The following GRIK2 variants were observed in gnomAD, a reference collection of about 807,000 sequenced individuals.
GRIK2 encodes glutamate ionotropic receptor kainate type subunit 2.
In GRIK2, 32 loss-of-function variants were observed where a neutral mutation model predicts 100.3. The ratio of observed to expected loss-of-function variants is 0.32; its 90% CI spans 0.24 to 0.43. GRIK2 has a LOEUF of 0.43. Ranked by LOEUF, GRIK2 falls within the 20% of genes least tolerant of loss-of-function variation. GRIK2 has a pLI of 1.00. For missense variants in GRIK2, 843 were observed against 1,114.9 expected, an observed-to-expected ratio of 0.76 and a Z score of 3.47; for synonymous variants, 417 against 389.4, an observed-to-expected ratio of 1.07 and a Z score of -0.83.
chr6:101,451,921 G>A (rs192728062), intron 2 of GRIK2, among the ~76,000 whole-genome samples: 149 of 151,674 alleles, frequency 9.8e-4, no homozygotes, highest in African/African-American at 3.3e-3. Context: ...ACACCTATTC[G>A]AGGGTAAAAC....
At chr6:101,490,828 T>C (rs1414270027) in intron 2 of GRIK2, among the ~76,000 whole-genome samples, 1 of 146,384 alleles carries the variant, frequency 6.8e-6, no homozygotes, top group Admixed American at 6.8e-5. Context: ...CAGATTAATA[T>C]AGGTATTGTA....
chr6:101,519,347 T>TGTGTGTG (rs1774755405), intron 2 of GRIK2, among the ~76,000 whole-genome samples: 11 of 111,542 alleles, frequency 9.9e-5, no homozygotes, highest in African/African-American at 2.8e-4. Flanking sequence ...GTGTGTGTGT[T>TGTGTGTG]TGCGCTGGTG....
At chr6:101,756,060 C>T (rs1026092956) in intron 7 of GRIK2, among the ~76,000 whole-genome samples, 1 of 151,962 alleles carries the variant, frequency 6.6e-6, no homozygotes, top group Admixed American at 6.6e-5. Context: ...AAACTCCCTC[C>T]CCCCCAGGTT....
chr6:101,669,762 C>T (rs961122964), intron 4 of GRIK2, among the ~76,000 whole-genome samples: 7 of 152,064 alleles, frequency 4.6e-5, no homozygotes, highest in African/African-American at 1.7e-4. Context: ...GGTGGATAAA[C>T]ATCTATTTTT....
At chr6:101,454,674 C>T (rs1446316596) in intron 2 of GRIK2, among the ~76,000 whole-genome samples, 1 of 152,066 alleles carries the variant, frequency 6.6e-6, no homozygotes, top group Non-Finnish European at 1.5e-5. Flanking sequence ...TTACTGAATT[C>T]TGCTCTATAT....
At chr6:101,633,124 G>A (rs1780842029) in intron 4 of GRIK2, among the ~76,000 whole-genome samples, 1 of 152,034 alleles carries the variant, frequency 6.6e-6, no homozygotes, top group Non-Finnish European at 1.5e-5. Flanking sequence ...ATCACAGAGA[G>A]CTTTGTACTA....
chr6:101,553,660 T>G (rs1165508853), intron 2 of GRIK2, among the ~76,000 whole-genome samples: 2 of 152,254 alleles, frequency 1.3e-5, no homozygotes, highest in East Asian at 3.9e-4. Flanking sequence ...AAGGCCAAGG[T>G]CAAAGTTTCC....
intron 15 of GRIK2, among the ~76,000 whole-genome samples, chr6:102,043,265 C>T (rs1425560459): frequency 7.4e-6 from 1 of 135,412 alleles, no homozygotes; most frequent in East Asian, 2.2e-4. Context: ...TATCAATCAC[C>T]TCAGATACTT....
At chr6:101,402,002 GGCCACCCCAGCCCCCCTTCCCC>G (rs1421192553) in intron 2 of GRIK2, among the ~76,000 whole-genome samples, 4 of 151,992 alleles carry the variant, frequency 2.6e-5, no homozygotes, top group Admixed American at 2.6e-4. Context: ...CCGCCCAGGC[GGCCACCCCAGCCCCCCTTCCCC>G]GCTAGTTAAG....
intron 12 of GRIK2, among the ~76,000 whole-genome samples, chr6:101,895,228 T>C (rs1240827169): frequency 2.0e-5 from 3 of 151,794 alleles, no homozygotes; most frequent in African/African-American, 7.2e-5. Context: ...AACATTTTTC[T>C]AAGTTAAAAG....
At chr6:101,976,567 T>C (rs1793393860) in intron 14 of GRIK2, among the ~76,000 whole-genome samples, 1 of 151,708 alleles carries the variant, frequency 6.6e-6, no homozygotes, top group Admixed American at 6.6e-5. Flanking sequence ...CACACTTGCA[T>C]TCCCAGCTAT....
At chr6:101,849,079 G>T (rs1409045259) in intron 10 of GRIK2, among the ~76,000 whole-genome samples, 1 of 148,742 alleles carries the variant, frequency 6.7e-6, no homozygotes, top group Non-Finnish European at 1.5e-5. Flanking sequence ...GGGTTGAAAA[G>T]AATGTTAAAA....
chr6:101,926,208 T>G (rs550322541), intron 13 of GRIK2, among the ~76,000 whole-genome samples: 1 of 149,586 alleles, frequency 6.7e-6, no homozygotes, highest in East Asian at 1.9e-4. Context: ...TTTTTTTTTT[T>G]TTTTTTTTTT....
chr6:101,566,727 A>G (rs917544537), intron 2 of GRIK2, among the ~76,000 whole-genome samples: 6 of 150,888 alleles, frequency 4.0e-5, no homozygotes, highest in Admixed American at 2.6e-4. Context: ...ATTAAGTAAA[A>G]CAAGAAAATT....
chr6:101,951,746 C>T (rs543622524), intron 14 of GRIK2, among the ~76,000 whole-genome samples: 1 of 152,194 alleles, frequency 6.6e-6, no homozygotes, highest in African/African-American at 2.4e-5. Context: ...TTCCCCTGCA[C>T]ATACTTTCTT....
chr6:101,835,390 TTCA>T (rs533307451), intron 10 of GRIK2, among the ~76,000 whole-genome samples: 187 of 152,014 alleles, frequency 1.2e-3, no homozygotes, highest in African/African-American at 3.5e-3. Context: ...ATGTCATTCC[TTCA>T]TCCTCCAAAA....
At chr6:101,502,576 A>G (rs992625055) in intron 2 of GRIK2, among the ~76,000 whole-genome samples, 2 of 152,166 alleles carry the variant, frequency 1.3e-5, no homozygotes, top group Non-Finnish European at 2.9e-5. Flanking sequence ...TAATTGCATT[A>G]TATATTCATT....
chr6:101,928,886 G>T (rs966025433), intron 14 of GRIK2, among the ~76,000 whole-genome samples: 1 of 152,052 alleles, frequency 6.6e-6, no homozygotes, highest in African/African-American at 2.4e-5. Flanking sequence ...CAGCCCAAGG[G>T]TAACATTTTT....
At chr6:101,396,268 G>A (rs1441570875) in intron 1 of GRIK2, among the ~76,000 whole-genome samples, 2 of 149,700 alleles carry the variant, frequency 1.3e-5, no homozygotes, top group African/African-American at 2.5e-5. Context: ...AAGTGAGTGA[G>A]TTTAATGTGA....
Sources: allele counts gnomAD v4.1 joint callset (sites outside exome capture counted in the v4.1 genomes callset), GRCh38; gene constraint gnomAD v4.1.1; transcripts MANE v1.5; gene names NCBI Gene and HGNC (gene_info 2026-07-23, HGNC 2026-07-21).